Variants in RIMS1 observed in about 807,000 individuals in gnomAD.
The protein encoded by RIMS1 is regulating synaptic membrane exocytosis protein 1.
A neutral mutation model predicts 214.1 loss-of-function variants in RIMS1; 83 were observed. The ratio of observed to expected loss-of-function variants is 0.39; its 90% CI spans 0.32 to 0.47. The LOEUF (loss-of-function observed/expected upper bound fraction) is 0.47, where lower values mean the gene tolerates loss of function less well. Among genes scored for constraint, RIMS1 ranks in the 20% least tolerant of loss-of-function variants. RIMS1 has a pLI of 0.99. For missense variants in RIMS1, 2,050 were observed against 2,161.8 expected, an observed-to-expected ratio of 0.95 and a Z score of 1.03; for synonymous variants, 793 against 786.8, an observed-to-expected ratio of 1.01 and a Z score of -0.13.
At chr6:72,062,056 A>G (rs904584772) in intron 2 of RIMS1, among the ~76,000 whole-genome samples, 1 of 152,258 alleles carries the variant, frequency 6.6e-6, no homozygotes, top group African/African-American at 2.4e-5. Context: ...GGACAGAGGA[A>G]TATAGCCTGC....
chr6:72,393,355 T>TTTG (rs1482522120), intron 31 of RIMS1, among the ~76,000 whole-genome samples: 1 of 151,782 alleles, frequency 6.6e-6, no homozygotes, highest in Non-Finnish European at 1.5e-5. Context: ...ATAGTGGAAT[T>TTTG]TCACAATACT....
chr6:72,245,771 G>T, intron 10 of RIMS1, 44 bp from the exon 11 acceptor site: 1 of 1,494,162 alleles, frequency 6.7e-7, no homozygotes, highest in Non-Finnish European at 9.3e-7. Context: ...CTCAGGCAGG[G>T]TCATTTAACT....
chr6:71,998,017 G>T (rs1363017122), intron 2 of RIMS1, among the ~76,000 whole-genome samples: 1 of 152,038 alleles, frequency 6.6e-6, no homozygotes, highest in Admixed American at 6.6e-5. Context: ...AGCATTGCCA[G>T]TAAAAAATAT....
chr6:72,056,140 C>T (rs1826111393), intron 2 of RIMS1, among the ~76,000 whole-genome samples: 2 of 152,060 alleles, frequency 1.3e-5, no homozygotes, highest in South Asian at 2.1e-4. Flanking sequence ...AGGCCATTAT[C>T]CTAAGCAAAC....
intron 29 of RIMS1, among the ~76,000 whole-genome samples, chr6:72,371,017 A>AT (rs1197918480): frequency 8.5e-5 from 13 of 152,256 alleles, no homozygotes; most frequent in Admixed American, 5.9e-4. Context: ...AAAATATGAG[A>AT]TTTTTTATAT....
intron 26 of RIMS1, among the ~76,000 whole-genome samples, chr6:72,292,727 A>G (rs973679837): frequency 1.3e-5 from 2 of 152,174 alleles, no homozygotes; most frequent in Non-Finnish European, 2.9e-5. Flanking sequence ...GTGCTATCAC[A>G]TATCTTAGTA....
chr6:72,025,343 G>A (rs1209713004), intron 2 of RIMS1, among the ~76,000 whole-genome samples: 2 of 152,200 alleles, frequency 1.3e-5, no homozygotes, highest in Non-Finnish European at 2.9e-5. Context: ...CACACATAGT[G>A]TGAAGAAGTG....
At chr6:71,922,078 A>G (rs1324240046) in intron 1 of RIMS1, among the ~76,000 whole-genome samples, 1 of 152,214 alleles carries the variant, frequency 6.6e-6, no homozygotes, top group Non-Finnish European at 1.5e-5. Context: ...ATTTCCACAT[A>G]GTTCCACTTC....
chr6:72,262,335 CTT>C, intron 19 of RIMS1: 1 of 967,106 alleles, frequency 1.0e-6, no homozygotes, highest in Non-Finnish European at 1.2e-6. Flanking sequence ...TGTATGTTGA[CTT>C]TGCATTTCCT....
At chr6:72,356,319 AT>A (rs1489754995) in intron 29 of RIMS1, among the ~76,000 whole-genome samples, 1 of 152,056 alleles carries the variant, frequency 6.6e-6, no homozygotes, top group African/African-American at 2.4e-5. Context: ...AAAAAAAAAA[AT>A]GATGTTCTGT....
intron 5 of RIMS1, among the ~76,000 whole-genome samples, chr6:72,181,780 C>T (rs958345487): frequency 2.0e-5 from 3 of 152,068 alleles, no homozygotes; most frequent in Non-Finnish European, 4.4e-5. Flanking sequence ...GAATTCTTGA[C>T]CGTATTTTGT....
At chr6:72,008,393 G>T (rs1235155284) in intron 2 of RIMS1, among the ~76,000 whole-genome samples, 5 of 152,134 alleles carry the variant, frequency 3.3e-5, no homozygotes, top group Non-Finnish European at 5.9e-5. Context: ...AGACCGTCGA[G>T]GCTAGGAAGA....
Position 72,265,052 on chromosome 6 carries a change from G to A in RIMS1, c.3194G>A (p.Ser1065Asn). ...LQSSSHWNIY[S>N]SILPAHTKTK... ...AGCAGTTCTCACTGGAATATTTACA[G>A]GTAAGAGCCCTAACAGTGAGTCCCA... is the stretch of plus-strand genomic sequence containing the variant. Residue 1065 changes from serine (S) to asparagine (N), a missense_variant and splice_region_variant, in exon 20 of 34, where the codon AGC (serine) becomes AAC (asparagine). Physicochemically the swap from Ser to Asn is conservative, Grantham distance 46 (BLOSUM62 1). Coordinates refer to ENST00000521978, the MANE Select transcript of RIMS1 (RefSeq NM_014989.7). 4 of 1,569,438 alleles carry A rather than the reference G, an allele frequency of 2.5e-6. No individual in the cohort carries two copies. The highest frequency in any genetic ancestry group is 3.5e-6 in the Non-Finnish European group (4 of 1,148,498).
At chr6:72,134,039 T>C (rs1212278041) in intron 4 of RIMS1, among the ~76,000 whole-genome samples, 2 of 152,102 alleles carry the variant, frequency 1.3e-5, no homozygotes, top group East Asian at 1.9e-4. Flanking sequence ...ATAATATACA[T>C]ACAGCACCTT....
chr6:72,327,354 T>C (rs1333459168), intron 28 of RIMS1, among the ~76,000 whole-genome samples: 1 of 151,830 alleles, frequency 6.6e-6, no homozygotes, highest in African/African-American at 2.4e-5. Context: ...AATTCATTTC[T>C]TTTTATGGTT....
At chr6:72,230,877 A>G (rs770373166) in intron 6 of RIMS1, among the ~76,000 whole-genome samples, 3 of 151,690 alleles carry the variant, frequency 2.0e-5, no homozygotes, top group Non-Finnish European at 4.4e-5. Context: ...AACTTGAGAC[A>G]TTTCCATAGA....
At chr6:72,118,875 T>C (rs984013435) in intron 4 of RIMS1, among the ~76,000 whole-genome samples, 4 of 151,548 alleles carry the variant, frequency 2.6e-5, no homozygotes, top group African/African-American at 7.2e-5. Flanking sequence ...TTATACTGAG[T>C]GGGGAAAAGT....
chr6:71,902,492 A>T (rs1427998862), intron 1 of RIMS1, among the ~76,000 whole-genome samples: 1 of 152,030 alleles, frequency 6.6e-6, no homozygotes, highest in Non-Finnish European at 1.5e-5. Context: ...TCATTGTGAA[A>T]CCTGGGTCAA....
At chr6:71,957,225 T>C (rs1791554616) in intron 1 of RIMS1, among the ~76,000 whole-genome samples, 1 of 151,976 alleles carries the variant, frequency 6.6e-6, no homozygotes, top group Non-Finnish European at 1.5e-5. Flanking sequence ...AAAACAGAAG[T>C]GAAGAGAGGA....
Sources: gnomAD v4.1 joint callset for allele counts (sites outside exome capture counted in the v4.1 genomes callset) on GRCh38, gnomAD v4.1.1 for gene constraint, MANE v1.5 for transcripts, NCBI Gene and HGNC (gene_info 2026-07-23, HGNC 2026-07-21) for gene names.